The following NBEA variants were observed in gnomAD, a reference collection of about 807,000 sequenced individuals.
The protein encoded by NBEA is neurobeachin.
NBEA carries 44 observed loss-of-function variants against 343.4 expected under a neutral mutation model. The observed-to-expected ratio is 0.13, with a 90% CI of 0.10 to 0.16. NBEA has a LOEUF of 0.16. NBEA is among the 10% of genes least tolerant of loss of function. NBEA has a pLI of 1.00. For missense variants in NBEA, 2,555 were observed against 3,631.3 expected, an observed-to-expected ratio of 0.70 and a Z score of 7.62; for synonymous variants, 1,175 against 1,238.7, an observed-to-expected ratio of 0.95 and a Z score of 1.08.
intron 45 of NBEA, among the ~76,000 whole-genome samples, chr13:35,583,345 A>G (rs2081142183): frequency 6.6e-6 from 1 of 152,214 alleles, no homozygotes; most frequent in Non-Finnish European, 1.5e-5. Context: ...GGATTATTCC[A>G]TCACCCTTAG....
At chr13:35,037,589 G>A (rs559195721) in intron 1 of NBEA, among the ~76,000 whole-genome samples, 1 of 152,124 alleles carries the variant, frequency 6.6e-6, no homozygotes, top group South Asian at 2.1e-4. Flanking sequence ...ACTTGTAGAG[G>A]TACTGCCTTG....
At chr13:34,951,211 A>G (rs2059340218) in intron 1 of NBEA, among the ~76,000 whole-genome samples, 1 of 152,194 alleles carries the variant, frequency 6.6e-6, no homozygotes, top group Non-Finnish European at 1.5e-5. Flanking sequence ...ACATGTGGCA[A>G]CAACTTAAAT....
intron 23 of NBEA, 55 bp downstream of exon 23, chr13:35,162,022 CCTATT>C: frequency 7.0e-7 from 1 of 1,424,616 alleles, no homozygotes; most frequent in Non-Finnish European, 9.5e-7. Flanking sequence ...TATGCCATTG[CCTATT>C]CTATTTGGTT....
intron 7 of NBEA, among the ~76,000 whole-genome samples, chr13:35,057,738 A>T (rs907965233): frequency 6.6e-6 from 1 of 152,084 alleles, no homozygotes; most frequent in Non-Finnish European, 1.5e-5. Context: ...AAATGAGAAG[A>T]CAGTATCTTG....
intron 1 of NBEA, among the ~76,000 whole-genome samples, chr13:35,030,119 A>G (rs2062153527): frequency 6.6e-6 from 1 of 151,626 alleles, no homozygotes; most frequent in Admixed American, 6.6e-5. Context: ...ACAGATTTTT[A>G]GTATTTAGCT....
intron 46 of NBEA, among the ~76,000 whole-genome samples, chr13:35,592,096 G>A (rs1204565535): frequency 6.6e-6 from 1 of 152,070 alleles, no homozygotes; most frequent in East Asian, 1.9e-4. Context: ...CTCCCAGTGT[G>A]AGAACTCCCA....
At chr13:35,575,492 T>G (rs935416435) in intron 45 of NBEA, among the ~76,000 whole-genome samples, 1 of 152,152 alleles carries the variant, frequency 6.6e-6, no homozygotes, top group Non-Finnish European at 1.5e-5. Flanking sequence ...CTATGAAAAT[T>G]TTTAAGCAAA....
At chr13:35,124,297 A>G (rs991451016) in intron 17 of NBEA, among the ~76,000 whole-genome samples, 1 of 140,568 alleles carries the variant, frequency 7.1e-6, no homozygotes, top group Non-Finnish European at 1.6e-5. Flanking sequence ...CAAAGCGCTT[A>G]TTTGTAATAA....
At chr13:35,328,390 G>T (rs912856441) in intron 36 of NBEA, among the ~76,000 whole-genome samples, 2 of 151,800 alleles carry the variant, frequency 1.3e-5, no homozygotes, top group African/African-American at 4.8e-5. Context: ...AATGGGGATG[G>T]TTAACAGGTA....
At chr13:35,050,799 C>T (rs2063039287) in intron 6 of NBEA, among the ~76,000 whole-genome samples, 2 of 151,830 alleles carry the variant, frequency 1.3e-5, no homozygotes, top group African/African-American at 4.8e-5. Context: ...TTAACCTAAT[C>T]CTAGTAGTTC....
chr13:34,971,808 A>G (rs929622829), intron 1 of NBEA, among the ~76,000 whole-genome samples: 2 of 148,214 alleles, frequency 1.3e-5, no homozygotes, highest in African/African-American at 2.5e-5. Flanking sequence ...ATCAGCTTCA[A>G]TTTTTCTTTT....
At chr13:35,387,839 C>T (rs1410794387) in intron 38 of NBEA, among the ~76,000 whole-genome samples, 1 of 152,098 alleles carries the variant, frequency 6.6e-6, no homozygotes, top group Non-Finnish European at 1.5e-5. Context: ...AATGGTAACG[C>T]TCTGGCTCAG....
chr13:35,615,189 C>T (rs577652601), intron 48 of NBEA, among the ~76,000 whole-genome samples: 32 of 147,840 alleles, frequency 2.2e-4, no homozygotes, highest in African/African-American at 7.5e-4. Flanking sequence ...CCCAGTTACT[C>T]GGGAGGCTGA....
At chr13:34,992,020 GT>G (rs1479038513) in intron 1 of NBEA, among the ~76,000 whole-genome samples, 1 of 147,266 alleles carries the variant, frequency 6.8e-6, no homozygotes, top group East Asian at 2.0e-4. Context: ...TTCAGTCATT[GT>G]TTTTCTATAT....
chr13:35,401,174 A>G (rs7326557), intron 38 of NBEA, among the ~76,000 whole-genome samples: 152,050 of 152,064 alleles, frequency 1, 76,018 homozygotes, highest in Middle Eastern at 1. Context: ...TAGCACAGTT[A>G]CTAGAGCATG....
At chr13:35,429,593 C>G (rs990178422) in intron 38 of NBEA, among the ~76,000 whole-genome samples, 1 of 152,038 alleles carries the variant, frequency 6.6e-6, no homozygotes, top group African/African-American at 2.4e-5. Context: ...GCCAGTCTGC[C>G]TTTTCTCACC....
chr13:35,469,273 G>C (rs575646134), intron 40 of NBEA, among the ~76,000 whole-genome samples: 1 of 151,866 alleles, frequency 6.6e-6, no homozygotes, highest in Non-Finnish European at 1.5e-5. Context: ...AATATAAAAT[G>C]TGTACTTTCT....
At chr13:35,627,375 C>T (rs879356365) in intron 48 of NBEA, among the ~76,000 whole-genome samples, 2 of 152,176 alleles carry the variant, frequency 1.3e-5, no homozygotes, top group Admixed American at 1.3e-4. Context: ...CTGAGCAAGA[C>T]TCCCTACCTA....
chr13:34,951,573 A>C (rs890650198), intron 1 of NBEA, among the ~76,000 whole-genome samples: 1 of 152,218 alleles, frequency 6.6e-6, no homozygotes, highest in African/African-American at 2.4e-5. Flanking sequence ...AGGTACACAC[A>C]GATCATGATC....
Sources: gnomAD v4.1 joint callset for allele counts (sites outside exome capture counted in the v4.1 genomes callset) on GRCh38, gnomAD v4.1.1 for gene constraint, MANE v1.5 for transcripts, NCBI Gene and HGNC (gene_info 2026-07-23, HGNC 2026-07-21) for gene names.